NRXN3: variants seen among roughly 807,000 people sequenced by gnomAD.
NRXN3 encodes neurexin III.
In NRXN3, 32 loss-of-function variants were observed where a neutral mutation model predicts 137.6. The ratio of observed to expected loss-of-function variants is 0.23; its 90% CI spans 0.18 to 0.31. The LOEUF is 0.31. NRXN3 is among the 10% of genes least tolerant of loss of function. The pLI, the probability that NRXN3 is intolerant of heterozygous loss-of-function variation, is 1.00. For missense variants in NRXN3, 1,574 were observed against 2,062.5 expected (o/e 0.76, Z 4.59); for synonymous variants, 798 against 784.5 (o/e 1.02, Z -0.29).
At chr14:79,472,595 G>A (rs1263204998) in intron 16 of NRXN3, among the ~76,000 whole-genome samples, 1 of 152,084 alleles carries the variant, frequency 6.6e-6, no homozygotes, top group Admixed American at 6.5e-5. Flanking sequence ...GTAGAGCGAG[G>A]GTGTCTTAGG....
intron 19 of NRXN3, among the ~76,000 whole-genome samples, chr14:79,720,523 A>G (rs1454212676): frequency 6.6e-6 from 1 of 152,024 alleles, no homozygotes; most frequent in Non-Finnish European, 1.5e-5. Flanking sequence ...CATGTTTCCT[A>G]CCAATCAGCG....
chr14:78,276,133 T>A (rs915521120), intron 2 of NRXN3, among the ~76,000 whole-genome samples: 1 of 152,236 alleles, frequency 6.6e-6, no homozygotes, highest in Non-Finnish European at 1.5e-5. Flanking sequence ...TTCATTTGTT[T>A]GTTTTTGGTG....
chr14:79,525,021 C>A (rs1440737000), intron 16 of NRXN3, among the ~76,000 whole-genome samples: 1 of 152,070 alleles, frequency 6.6e-6, no homozygotes, highest in Admixed American at 6.5e-5. Flanking sequence ...TATAATCAAA[C>A]AAGGTAGTCA....
chr14:79,287,435 G>A (rs1434101805), intron 15 of NRXN3, among the ~76,000 whole-genome samples: 1 of 152,182 alleles, frequency 6.6e-6, no homozygotes, highest in East Asian at 1.9e-4. Flanking sequence ...GATCCCATTT[G>A]CAGTAAACCT....
chr14:78,331,945 C>A (rs996912254), intron 4 of NRXN3, among the ~76,000 whole-genome samples: 1 of 152,110 alleles, frequency 6.6e-6, no homozygotes, highest in Non-Finnish European at 1.5e-5. Context: ...AGAGAGAAAA[C>A]CATGAAACAG....
chr14:79,141,507 A>T (rs1481818056), intron 15 of NRXN3, among the ~76,000 whole-genome samples: 2 of 152,178 alleles, frequency 1.3e-5, no homozygotes, highest in Non-Finnish European at 2.9e-5. Flanking sequence ...TTGAATCTGC[A>T]TTTTATTAAA....
At chr14:79,539,386 CCT>C (rs753213413) in intron 16 of NRXN3, among the ~76,000 whole-genome samples, 3 of 152,136 alleles carry the variant, frequency 2.0e-5, no homozygotes, top group Non-Finnish European at 4.4e-5. Context: ...TGCTATTCTG[CCT>C]CTCTGTTGAC....
intron 10 of NRXN3, among the ~76,000 whole-genome samples, chr14:78,862,019 T>A (rs2099073740): frequency 6.6e-6 from 1 of 152,160 alleles, no homozygotes; most frequent in Non-Finnish European, 1.5e-5. Flanking sequence ...CCATGTGAAC[T>A]AGAGTTTACA....
In NRXN3 at chr14:79,654,850, G is replaced by T. The variant is rs145221060; in HGVS notation, c.3445-8928G>T. Among the ~76,000 whole-genome samples, 214 of 152,212 alleles carry T rather than the reference G, an allele frequency of 1.4e-3. 2 individuals carry two copies. Among genetic ancestry groups the T allele is most frequent in the African/African-American group, 4.7e-3 (195 of 41,540 alleles). ...TGGTTGGTGTTTATTATTCATGTAG[G>T]TCCATTTACCTTGAAGCCATAATGC... On this transcript the variant is annotated intron_variant, in intron 16 of 20. Transcript: ENST00000335750.
chr14:79,323,525 C>A (rs1598720598), intron 15 of NRXN3, among the ~76,000 whole-genome samples: 2 of 152,160 alleles, frequency 1.3e-5, no homozygotes, highest in African/African-American at 4.8e-5. Context: ...TAGTTTAGAT[C>A]TATGTGGCAC....
chr14:78,954,188 C>T (rs543322082), intron 10 of NRXN3, among the ~76,000 whole-genome samples: 2 of 152,254 alleles, frequency 1.3e-5, no homozygotes, highest in African/African-American at 4.8e-5. Flanking sequence ...CTTGATTTCC[C>T]GCTGAGTGTA....
At chr14:79,860,648 A>C (rs1793801065) in intron 20 of NRXN3, among the ~76,000 whole-genome samples, 1 of 152,250 alleles carries the variant, frequency 6.6e-6, no homozygotes, top group Non-Finnish European at 1.5e-5. Flanking sequence ...TCTTAAACGC[A>C]TGTTAATAAA....
intron 4 of NRXN3, among the ~76,000 whole-genome samples, chr14:78,606,648 T>C (rs1042639945): frequency 6.6e-6 from 1 of 152,182 alleles, no homozygotes; most frequent in Non-Finnish European, 1.5e-5. Flanking sequence ...GCTCGATAAA[T>C]ATGTTTTGGA....
At chr14:79,344,596 A>T (rs2092776834) in intron 15 of NRXN3, among the ~76,000 whole-genome samples, 1 of 152,172 alleles carries the variant, frequency 6.6e-6, no homozygotes, top group African/African-American at 2.4e-5. Flanking sequence ...ATAGATCTGA[A>T]ACTAATTAAA....
At chr14:79,257,400 G>A (rs868229375) in intron 15 of NRXN3, among the ~76,000 whole-genome samples, 12 of 86,320 alleles carry the variant, frequency 1.4e-4, no homozygotes, top group Non-Finnish European at 1.5e-4. Flanking sequence ...GGTGGTGGTG[G>A]TGGTGGTGGT....
At chr14:78,254,768 G>T (rs926551243) in intron 2 of NRXN3, among the ~76,000 whole-genome samples, 4 of 152,044 alleles carry the variant, frequency 2.6e-5, no homozygotes, top group Admixed American at 2.6e-4. Flanking sequence ...GCCCATCATG[G>T]TAGCCAGAGT....
intron 15 of NRXN3, among the ~76,000 whole-genome samples, chr14:79,376,895 A>T (rs541464338): frequency 1.1e-4 from 17 of 152,316 alleles, no homozygotes; most frequent in Admixed American, 6.5e-4. Flanking sequence ...TTAATCTAAC[A>T]TGTTGCTTTT....
At chr14:78,741,042 T>C (rs2098567261) in intron 8 of NRXN3, among the ~76,000 whole-genome samples, 1 of 152,174 alleles carries the variant, frequency 6.6e-6, no homozygotes, top group African/African-American at 2.4e-5. Context: ...CTCTGGCTGA[T>C]TGGCAAATTT....
chr14:79,750,830 AC>A (rs2098995059), intron 19 of NRXN3, among the ~76,000 whole-genome samples: 1 of 151,806 alleles, frequency 6.6e-6, no homozygotes, highest in African/African-American at 2.4e-5. Flanking sequence ...GATAATTAAA[AC>A]CCCCCAAAAA....
Sources: gnomAD v4.1 joint callset for allele counts (sites outside exome capture counted in the v4.1 genomes callset) on GRCh38, gnomAD v4.1.1 for gene constraint, MANE v1.5 for transcripts, NCBI Gene and HGNC (gene_info 2026-07-23, HGNC 2026-07-21) for gene names.